The following KAT6B variants were observed in gnomAD, a reference collection of about 807,000 sequenced individuals.
The protein encoded by KAT6B is histone acetyltransferase KAT6B.
In KAT6B, 10 loss-of-function variants were observed where a neutral mutation model predicts 187.5. The observed-to-expected ratio is 0.05, with a 90% CI of 0.03 to 0.09. KAT6B has a LOEUF of 0.09. Among genes scored for constraint, KAT6B ranks in the 10% least tolerant of loss-of-function variants. KAT6B has a pLI of 1.00. For synonymous variants in KAT6B, 861 were observed against 926.8 expected, an observed-to-expected ratio of 0.93 and a Z score of 1.29; for missense variants, 1,952 against 2,558.9, an observed-to-expected ratio of 0.76 and a Z score of 5.12.
chr10:74,836,532 A>G (rs982359224), intron 1 of KAT6B, among the ~76,000 whole-genome samples: 1 of 152,172 alleles, frequency 6.6e-6, no homozygotes, highest in Admixed American at 6.5e-5. Context: ...TTTGATTAGT[A>G]TTTATAACCT....
chr10:74,989,292 A>G (rs574083129), intron 13 of KAT6B, among the ~76,000 whole-genome samples, 180 bp downstream of exon 13: 13 of 152,346 alleles, frequency 8.5e-5, no homozygotes, highest in Non-Finnish European at 1.5e-4. Flanking sequence ...ACTGCTGCTC[A>G]GTGATTGTAC....
chr10:74,931,796 C>T (rs1217711902), intron 3 of KAT6B, among the ~76,000 whole-genome samples: 4 of 152,138 alleles, frequency 2.6e-5, no homozygotes, highest in African/African-American at 4.8e-5. Context: ...CTGCAACCTC[C>T]GCCTCCTGGG....
At chr10:75,018,273 C>T (rs191720223) in intron 13 of KAT6B, among the ~76,000 whole-genome samples, 131 of 152,314 alleles carry the variant, frequency 8.6e-4, no homozygotes, top group African/African-American at 2.9e-3. Flanking sequence ...GTACCCACAC[C>T]CATCAGGGCT....
In KAT6B at chr10:74,847,325, G is replaced by A. The variant is rs113488796; in HGVS notation, c.621+3847G>A. On this transcript the variant is annotated intron_variant, in intron 3 of 17. Coordinates refer to ENST00000287239, the MANE Select transcript of KAT6B (RefSeq NM_012330.4). ...AAAAAACAAAAATAAATAAAAATCA[G>A]TTTAAACAAAGTTGGCAACATGTTT... Among the ~76,000 whole-genome samples the A allele has an allele frequency of 1.2e-3, 186 of 152,260 alleles. 4 individuals are homozygous for A. The highest frequency in any genetic ancestry group is 4.3e-3 in the African/African-American group (177 of 41,548).
intron 3 of KAT6B, among the ~76,000 whole-genome samples, chr10:74,896,652 A>G (rs976932627): frequency 1.3e-5 from 2 of 152,236 alleles, no homozygotes; most frequent in Non-Finnish European, 1.5e-5. Context: ...TAGAAATAAG[A>G]TAACAGAACT....
At chr10:74,855,852 T>C (rs1247843970) in intron 3 of KAT6B, among the ~76,000 whole-genome samples, 1 of 152,246 alleles carries the variant, frequency 6.6e-6, no homozygotes, top group Non-Finnish European at 1.5e-5. Context: ...TATGTGTGTA[T>C]ATGTATATGT....
intron 3 of KAT6B, among the ~76,000 whole-genome samples, chr10:74,886,769 C>A (rs1845307285): frequency 6.6e-6 from 1 of 152,174 alleles, no homozygotes; most frequent in Admixed American, 6.5e-5. Flanking sequence ...GTGTTCCCAC[C>A]AACCTCTGAC....
intron 3 of KAT6B, among the ~76,000 whole-genome samples, chr10:74,874,370 TTTTTCTTTTC>T (rs770971124): frequency 1.1e-4 from 17 of 152,076 alleles, no homozygotes; most frequent in Non-Finnish European, 2.5e-4. Flanking sequence ...TCTTAGTTGA[TTTTTCTTTTC>T]TTTTCTTTTC....
intron 3 of KAT6B, among the ~76,000 whole-genome samples, chr10:74,955,417 G>C (rs1484994666): frequency 3.9e-5 from 5 of 127,630 alleles, no homozygotes; most frequent in Non-Finnish European, 8.1e-5. Flanking sequence ...TGGAAAAGTT[G>C]TAAAGATGAG....
Position 75,029,585 on chromosome 10 carries a change from G to C in KAT6B, c.4761G>C (p.Thr1587=), listed in dbSNP as rs372545959. The change falls in exon 18 of 18, where the codon ACG becomes ACC. Residue 1587 remains threonine, a synonymous_variant. Transcript: ENST00000287239. The surrounding 1 kb of genome is among the most constrained non-coding windows in gnomAD (Gnocchi z 6.2). ...RADQSPQIAT[T]LDDCQQSDHS... ...ACCAAAGTCCACAGATTGCCACCACGCTCGACGATTGCCAACAGTCGGACC... is the reference window on the plus strand; with the variant it reads ...ACCAAAGTCCACAGATTGCCACCACCCTCGACGATTGCCAACAGTCGGACC... 2 of 1,614,088 alleles carry C rather than the reference G, an allele frequency of 1.2e-6. No homozygotes were observed. Among genetic ancestry groups the C allele is most frequent in the Non-Finnish European group, 1.7e-6 (2 of 1,180,012 alleles).
intron 3 of KAT6B, among the ~76,000 whole-genome samples, chr10:74,948,801 T>C (rs572358318): frequency 2.6e-5 from 4 of 152,358 alleles, no homozygotes; most frequent in South Asian, 2.1e-4. Flanking sequence ...TTGGAAAACA[T>C]TCCCAAGTCA....
chr10:75,015,545 A>G (rs1189987683), intron 13 of KAT6B, among the ~76,000 whole-genome samples: 1 of 152,220 alleles, frequency 6.6e-6, no homozygotes, highest in African/African-American at 2.4e-5. Flanking sequence ...TCTGCACCAG[A>G]AACCAGGAAC....
intron 3 of KAT6B, among the ~76,000 whole-genome samples, chr10:74,896,054 G>A (rs1845965812): frequency 6.6e-6 from 1 of 151,576 alleles, no homozygotes; most frequent in Non-Finnish European, 1.5e-5. Context: ...TAAAGACTCA[G>A]CCCAGATGTG....
At chr10:74,863,012 T>G (rs530470678) in intron 3 of KAT6B, among the ~76,000 whole-genome samples, 21 of 152,224 alleles carry the variant, frequency 1.4e-4, no homozygotes, top group Non-Finnish European at 2.5e-4. Context: ...TCTTTGTGGC[T>G]CCTTCCACCC....
At chr10:74,963,615 C>T (rs1333841213) in intron 4 of KAT6B, among the ~76,000 whole-genome samples, 1 of 152,076 alleles carries the variant, frequency 6.6e-6, no homozygotes, top group Non-Finnish European at 1.5e-5. Flanking sequence ...TGTGTGTTAA[C>T]CCTGAACAAA....
chr10:75,004,105 T>C (rs1455353509), intron 13 of KAT6B, among the ~76,000 whole-genome samples: 6 of 152,132 alleles, frequency 3.9e-5, no homozygotes, highest in African/African-American at 1.4e-4. Context: ...TTTCTAACGT[T>C]GACTGGCATT....
chr10:74,974,708 C>G (rs1415403712), intron 7 of KAT6B, among the ~76,000 whole-genome samples: 1 of 152,174 alleles, frequency 6.6e-6, no homozygotes, highest in Non-Finnish European at 1.5e-5. Flanking sequence ...CATGTCATGT[C>G]TGACCCGCTG....
intron 9 of KAT6B, among the ~76,000 whole-genome samples, chr10:74,978,189 T>C (rs916992027): frequency 2.0e-5 from 3 of 152,226 alleles, no homozygotes; most frequent in African/African-American, 7.2e-5. Flanking sequence ...GGCTAAATAC[T>C]CCTGACAGTT....
intron 1 of KAT6B, among the ~76,000 whole-genome samples, chr10:74,831,511 CTA>C (rs1360368250): frequency 6.6e-6 from 1 of 152,176 alleles, no homozygotes; most frequent in Non-Finnish European, 1.5e-5. Context: ...CCATTACAAT[CTA>C]TTTTTGCTTT....
Sources: gnomAD v4.1 joint callset for allele counts (sites outside exome capture counted in the v4.1 genomes callset) on GRCh38, gnomAD v4.1.1 for gene constraint, Gnocchi (gnomAD v3.1) non-coding constraint, MANE v1.5 for transcripts, NCBI Gene and HGNC (gene_info 2026-07-23, HGNC 2026-07-21) for gene names.